Variants in SLC12A1 observed in about 807,000 individuals in gnomAD.
The protein encoded by SLC12A1 is solute carrier family 12 member 1, also known as Na-K-2Cl cotransporter.
Under a neutral mutation model 130.4 loss-of-function variants are expected in SLC12A1, and 89 were observed. That is an observed-to-expected ratio of 0.68 (90% confidence interval 0.58 to 0.81). SLC12A1 has a LOEUF of 0.81. Among genes scored for constraint, SLC12A1 ranks in the 40% least tolerant of loss-of-function variants. SLC12A1 has a pLI of 0.00. For missense variants in SLC12A1, 1,310 were observed against 1,336.4 expected, an observed-to-expected ratio of 0.98 and a Z score of 0.31; for synonymous variants, 499 against 460.0, an observed-to-expected ratio of 1.08 and a Z score of -1.09.
intron 15 of SLC12A1, among the ~76,000 whole-genome samples, chr15:48,253,683 G>A (rs1467331898): frequency 6.6e-6 from 1 of 152,144 alleles, no homozygotes; most frequent in Non-Finnish European, 1.5e-5. Flanking sequence ...ATATCTAGTA[G>A]TGGGATTTAT....
intron 17 of SLC12A1, among the ~76,000 whole-genome samples, chr15:48,261,311 A>G (rs760103615): frequency 7.2e-5 from 11 of 152,342 alleles, no homozygotes; most frequent in Non-Finnish European, 1.6e-4. Context: ...CTTTTAATTA[A>G]CCATTTGCTG....
rs766704125 is a variant in SLC12A1, at chr15:48,241,561, T to A, written c.1262T>A (p.Ile421Asn). ...AGAGGAACCATGCTGGCCATTTTCA[T>A]CACCACTGTTGCCTACTTAGGGGTT... ...IPRGTMLAIF[I>N]TTVAYLGVAI... Residue 421 changes from isoleucine to asparagine, a missense_variant, in exon 10 of 27, where the codon ATC (isoleucine) becomes AAC (asparagine). Physicochemically the swap from Ile to Asn is moderately radical, Grantham distance 149. Transcript: ENST00000380993. 1 of 1,613,942 alleles carries A rather than the reference T, an allele frequency of 6.2e-7. No homozygotes were observed. The highest frequency in any genetic ancestry group is 2.2e-5 in the East Asian group (1 of 44,880).
chr15:48,286,451 T>C (rs1045952564), intron 21 of SLC12A1, among the ~76,000 whole-genome samples: 4 of 152,216 alleles, frequency 2.6e-5, no homozygotes, highest in Non-Finnish European at 5.9e-5. Context: ...CTTCTTTTCT[T>C]TCTAATTATT....
Position 48,220,661 on chromosome 15 carries a change from GAC to G in SLC12A1, c.450_451del (p.Asp150GlufsTer4), listed in dbSNP as rs1413414501. 4 of 1,613,462 alleles carry G rather than the reference GAC, an allele frequency of 2.5e-6. No homozygotes were observed. In the African/African-American group the frequency reaches 5.3e-5, roughly 22 times the overall value. ...KNVAVTPSSADRVANGDGIPG... is the reference protein window; with the variant it reads ...KNVAVTPSSAXRVANGDGIPG... ...TGTGGCAGTCACCCCAAGTTCAGCT[GAC>G]AGAGTTGCTAACGGTGATGGGATAC... is the stretch of plus-strand genomic sequence containing the variant. On this transcript the variant is annotated frameshift_variant, in exon 3 of 27. Coordinates refer to ENST00000380993, the MANE Select transcript of SLC12A1 (RefSeq NM_000338.3). LOFTEE classifies it high-confidence loss of function.
chr15:48,247,109 T>C, intron 12 of SLC12A1, 93 bp downstream of exon 12: 1 of 1,115,128 alleles, frequency 9.0e-7, no homozygotes, highest in Non-Finnish European at 1.3e-6. Context: ...GGCAATCATT[T>C]TCCATCATTT....
intron 2 of SLC12A1, among the ~76,000 whole-genome samples, chr15:48,213,667 C>A (rs1003208642): frequency 1.3e-5 from 2 of 151,946 alleles, no homozygotes; most frequent in Non-Finnish European, 2.9e-5. Flanking sequence ...GCATGCCCGG[C>A]TAATTTTGTT....
intron 11 of SLC12A1, among the ~76,000 whole-genome samples, 158 bp from the exon 12 acceptor site, chr15:48,246,751 G>T (rs2041585740): frequency 6.6e-6 from 1 of 151,848 alleles, no homozygotes; most frequent in Non-Finnish European, 1.5e-5. Flanking sequence ...CTGCACTCCA[G>T]CCTGGGCGAT....
chr15:48,217,079 T>C (rs1258091700), intron 2 of SLC12A1, among the ~76,000 whole-genome samples: 1 of 152,204 alleles, frequency 6.6e-6, no homozygotes, highest in Non-Finnish European at 1.5e-5. Flanking sequence ...AAATATTTCC[T>C]AATATTTTTA....
intron 9 of SLC12A1, among the ~76,000 whole-genome samples, chr15:48,239,796 A>G (rs2041481665): frequency 6.6e-6 from 1 of 151,178 alleles, no homozygotes; most frequent in African/African-American, 2.4e-5. Context: ...GATTACAGGC[A>G]CATACCACCA....
rs1555387921 is a variant in SLC12A1, at chr15:48,302,588, CCG to C, written c.3165-160_3165-159del. Among the ~76,000 whole-genome samples, 7 of 127,642 alleles carry C rather than the reference CCG, an allele frequency of 5.5e-5. No homozygotes were observed. The South Asian group carries it at 1.3e-3, about 24-fold the overall frequency. 83.7% of individuals were successfully genotyped at this position (127,642 alleles called of 152,430 possible). A position where few individuals can be genotyped will look rare whatever the true frequency, so the allele number is the denominator to read the frequency against. On this transcript the variant is annotated intron_variant, in intron 26 of 26. Transcript: ENST00000380993. ...TGAGCCGAGATTGTGCCACTGCAGT[CCG>C]CAGTCCGGCCTGGGCGACAGAGCGA...
intron 4 of SLC12A1, chr15:48,222,469 A>C (rs930887909): frequency 6.6e-6 from 1 of 151,830 alleles, no homozygotes; most frequent in African/African-American, 2.4e-5. Flanking sequence ...TATTAAAATA[A>C]AATTAATATT....
chr15:48,228,122 C>T (rs2041316094), intron 5 of SLC12A1: 1 of 152,184 alleles, frequency 6.6e-6, no homozygotes, highest in Non-Finnish European at 1.5e-5. Flanking sequence ...AAAGCCAGCT[C>T]TGTATAGGAA....
At chr15:48,221,344 C>A (rs1291924030) in intron 4 of SLC12A1, 1 of 701,764 alleles carries the variant, frequency 1.4e-6, no homozygotes, top group African/African-American at 1.7e-5. Context: ...TACAGAGTAT[C>A]CTTCTTGGCA....
Position 48,231,389 on chromosome 15 carries a change from C to T in SLC12A1, c.975+886C>T, listed in dbSNP as rs1030120669. Among the ~76,000 whole-genome samples the T allele has an allele frequency of 5.3e-5, 8 of 152,140 alleles. 1 individual carries two copies. The South Asian group carries it at 1.7e-3, about 31-fold the overall frequency. ...GAGAATTTGTGAAAATTAGTATCAA[C>T]AGGACACTGTGATGAAAAAACACAG... On this transcript the variant is annotated intron_variant, in intron 7 of 26. Transcript: ENST00000380993.
chr15:48,251,989 G>A (rs1007202910), intron 15 of SLC12A1, among the ~76,000 whole-genome samples: 1 of 152,138 alleles, frequency 6.6e-6, no homozygotes, highest in African/African-American at 2.4e-5. Context: ...CAGATCACAA[G>A]GTCAGGAGTT....
intron 11 of SLC12A1, among the ~76,000 whole-genome samples, chr15:48,245,411 C>A (rs1372573483): frequency 1.3e-5 from 2 of 152,052 alleles, no homozygotes; most frequent in South Asian, 2.1e-4. Flanking sequence ...AGTTTTCAAC[C>A]CTTGCCTTCC....
At chr15:48,268,763 A>T (rs1428132372) in intron 18 of SLC12A1, among the ~76,000 whole-genome samples, 1 of 152,198 alleles carries the variant, frequency 6.6e-6, no homozygotes, top group Non-Finnish European at 1.5e-5. Context: ...TTCAGTACCA[A>T]GTTAGTTTTC....
In SLC12A1 at chr15:48,218,749, G is replaced by A. The variant is rs898188680; in HGVS notation, c.421-1885G>A. 7.2e-5 allele frequency among the ~76,000 whole-genome samples: 11 copies of A among 152,252 alleles called. No individual in the cohort carries two copies. The East Asian group carries it at 1.9e-3, about 27-fold the overall frequency. ...TGGTAATTGAGGGCTCAATCTCAGA[G>A]CCTTCCCCAGTGGTTTCAAAATCTT... On this transcript the variant is annotated intron_variant, in intron 2 of 26. Coordinates refer to ENST00000380993, the MANE Select transcript of SLC12A1 (RefSeq NM_000338.3).
At chr15:48,249,043 A>T (rs1428896119) in intron 13 of SLC12A1, among the ~76,000 whole-genome samples, 1 of 151,976 alleles carries the variant, frequency 6.6e-6, no homozygotes, top group Non-Finnish European at 1.5e-5. Flanking sequence ...TCTATCTCAA[A>T]ATAATAATAA....
Sources: allele counts gnomAD v4.1 joint callset (sites outside exome capture counted in the v4.1 genomes callset), GRCh38; gene constraint gnomAD v4.1.1; transcripts MANE v1.5; gene names NCBI Gene and HGNC (gene_info 2026-07-23, HGNC 2026-07-21).